Variants in BMP2K observed in about 807,000 individuals in gnomAD.
The protein encoded by BMP2K is BMP-2-inducible protein kinase.
BMP2K carries 74 observed loss-of-function variants against 116.0 expected under a neutral mutation model. That is an observed-to-expected ratio of 0.64 (90% CI 0.53 to 0.77). The LOEUF is 0.77. Ranked by LOEUF, BMP2K falls within the 30% of genes least tolerant of loss-of-function variation. The pLI is 0.00. For missense variants in BMP2K, 1,365 were observed against 1,403.6 expected (o/e 0.97, Z 0.44); for synonymous variants, 486 against 502.5 (o/e 0.97, Z 0.44).
At chr4:78,780,019 A>G (rs2109914170) in intron 1 of BMP2K, among the ~76,000 whole-genome samples, 1 of 152,352 alleles carries the variant, frequency 6.6e-6, no homozygotes, top group South Asian at 2.1e-4. Flanking sequence ...TCAAACAGTG[A>G]CAAATTGTCA....
intron 1 of BMP2K, 138 bp downstream of exon 1, chr4:78,776,859 A>G (rs1173201232): frequency 1.4e-5 from 12 of 864,984 alleles, no homozygotes; most frequent in Admixed American, 4.7e-5. Context: ...GGGGCTCCTA[A>G]AGAGTGGCTC....
At chr4:78,797,195 G>T (rs1728338754) in intron 1 of BMP2K, among the ~76,000 whole-genome samples, 1 of 152,148 alleles carries the variant, frequency 6.6e-6, no homozygotes, top group African/African-American at 2.4e-5. Flanking sequence ...CTTACATTTA[G>T]TACATCTGGG....
Position 78,909,055 on chromosome 4 carries a change from CTTTTTTTTT to C in BMP2K, c.2063-1539_2063-1531del, listed in dbSNP as rs1053664659. Reference sequence around the variant, plus strand: ...ACTCCCCTTCTTACCTTCCCTTAGTCTTTTTTTTTTTTTTTTTTTTTTTTGAGACAGTTC... The same window carrying C: ...ACTCCCCTTCTTACCTTCCCTTAGTCTTTTTTTTTTTTTTTGAGACAGTTC... On this transcript the variant is annotated intron_variant, in intron 15 of 15. Coordinates refer to ENST00000502613, the MANE Select transcript of BMP2K (RefSeq NM_198892.2). 4.0e-3 allele frequency among the ~76,000 whole-genome samples: 374 copies of C among 94,420 alleles called. 2 individuals are homozygous for C. Among genetic ancestry groups the C allele is most frequent in the Non-Finnish European group, 5.8e-3 (296 of 50,760 alleles). The allele number at this position is 94,420 out of a possible 152,430, so 61.9% of individuals were successfully genotyped here. A position where few individuals can be genotyped will look rare whatever the true frequency, so the allele number is the denominator to read the frequency against.
intron 1 of BMP2K, among the ~76,000 whole-genome samples, chr4:78,787,959 A>G (rs1232386013): frequency 1.3e-5 from 2 of 152,114 alleles, no homozygotes; most frequent in African/African-American, 2.4e-5. Flanking sequence ...CTGGAGCTTT[A>G]TACATAAGTA....
At chr4:78,895,420 C>A (rs1031682633) in intron 15 of BMP2K, among the ~76,000 whole-genome samples, 3 of 152,122 alleles carry the variant, frequency 2.0e-5, no homozygotes, top group Admixed American at 6.5e-5. Context: ...TTTCTAATTT[C>A]TCACAAATTT....
At chr4:78,903,448 TA>T (rs981372302) in intron 15 of BMP2K, among the ~76,000 whole-genome samples, 4 of 151,992 alleles carry the variant, frequency 2.6e-5, no homozygotes, top group African/African-American at 9.7e-5. Flanking sequence ...ATGAATTCAT[TA>T]TCAAAATACA....
intron 15 of BMP2K, among the ~76,000 whole-genome samples, chr4:78,897,812 G>A (rs962183264): frequency 6.6e-6 from 1 of 152,196 alleles, no homozygotes; most frequent in Non-Finnish European, 1.5e-5. Context: ...TTACTGGATA[G>A]AGTTTTATCT....
intron 1 of BMP2K, among the ~76,000 whole-genome samples, chr4:78,825,200 A>G (rs1453688338): frequency 6.6e-6 from 1 of 152,194 alleles, no homozygotes; most frequent in East Asian, 1.9e-4. Flanking sequence ...GTGAAACTCC[A>G]TCTCAAAAAC....
intron 7 of BMP2K, among the ~76,000 whole-genome samples, chr4:78,853,624 G>C (rs1290952350): frequency 1.3e-5 from 2 of 152,134 alleles, no homozygotes; most frequent in African/African-American, 2.4e-5. Context: ...GGTGATTAAA[G>C]AAGTACATTG....
intron 6 of BMP2K, among the ~76,000 whole-genome samples, chr4:78,850,691 T>G (rs1052690259): frequency 4.6e-5 from 7 of 151,930 alleles, no homozygotes; most frequent in African/African-American, 1.7e-4. Context: ...CTTCTAATTT[T>G]TACGATACCA....
At chr4:78,839,892 TGGGTCTGCCTTTCCCGGCCCGC>T (rs1438888709) in intron 3 of BMP2K, among the ~76,000 whole-genome samples, 3 of 152,130 alleles carry the variant, frequency 2.0e-5, no homozygotes, top group Non-Finnish European at 4.4e-5. Context: ...AGATTAAGGG[TGGGTCTGCCTTTCCCGGCCCGC>T]TGACTCAAAT....
In BMP2K at chr4:78,870,804, G is replaced by A. The variant is rs142887199; in HGVS notation, c.1253G>A (p.Gly418Asp). Residue 418 changes from glycine to aspartate, a missense_variant, in exon 11 of 16, where the codon GGC becomes GAC. By Grantham distance (94) the Gly-to-Asp change is moderately conservative. Transcript: ENST00000502613. ...RPKGALRPGN[G>D]PEILLGQGPP... ...TTAGGGGCACTAAGACCTGGAAATGGCCCTGAAATTTTATTGGGTCAGGGA... is the reference window on the plus strand; with the variant it reads ...TTAGGGGCACTAAGACCTGGAAATGACCCTGAAATTTTATTGGGTCAGGGA... 84 of 1,613,916 alleles carry A rather than the reference G, an allele frequency of 5.2e-5. No individual in the cohort carries two copies. In the East Asian group the frequency reaches 1.8e-3, roughly 35 times the overall value.
chr4:78,791,964 A>C (rs1205110803), intron 1 of BMP2K, among the ~76,000 whole-genome samples: 1 of 152,196 alleles, frequency 6.6e-6, no homozygotes, highest in Non-Finnish European at 1.5e-5. Flanking sequence ...TATATCCGGA[A>C]GGGAATTATT....
intron 1 of BMP2K, among the ~76,000 whole-genome samples, chr4:78,804,159 A>G (rs1451078809): frequency 6.6e-6 from 1 of 151,886 alleles, no homozygotes; most frequent in Non-Finnish European, 1.5e-5. Flanking sequence ...TCACTAGTCT[A>G]TTTTCTGTCT....
intron 4 of BMP2K, among the ~76,000 whole-genome samples, chr4:78,844,183 T>C (rs1001911549): frequency 1.3e-5 from 2 of 151,758 alleles, no homozygotes; most frequent in Non-Finnish European, 3.0e-5. Context: ...CATTTAATGT[T>C]CACAACAGTT....
chr4:78,901,195 C>T (rs997313122), intron 15 of BMP2K, among the ~76,000 whole-genome samples: 4 of 152,030 alleles, frequency 2.6e-5, no homozygotes, highest in Admixed American at 6.5e-5. Flanking sequence ...AGGTGTGCAC[C>T]ACCATTCTCA....
intron 3 of BMP2K, among the ~76,000 whole-genome samples, chr4:78,837,782 C>G (rs932456657): frequency 1.3e-5 from 2 of 152,086 alleles, no homozygotes; most frequent in Non-Finnish European, 2.9e-5. Flanking sequence ...ATTAGAGGTG[C>G]ACATGGCCAT....
chr4:78,859,445 G>A, intron 7 of BMP2K, 139 bp from the exon 8 acceptor site: 1 of 507,918 alleles, frequency 2.0e-6, no homozygotes, highest in Non-Finnish European at 3.4e-6. Context: ...TTTTCTGTAG[G>A]CATTAATAAA....
chr4:78,835,757 T>C (rs1730447703), intron 3 of BMP2K, among the ~76,000 whole-genome samples: 1 of 152,138 alleles, frequency 6.6e-6, no homozygotes, highest in African/African-American at 2.4e-5. Flanking sequence ...TACTTCCATA[T>C]TTCCACACTG....
Sources: allele counts gnomAD v4.1 joint callset (sites outside exome capture counted in the v4.1 genomes callset), GRCh38; gene constraint gnomAD v4.1.1; transcripts MANE v1.5; gene names NCBI Gene and HGNC (gene_info 2026-07-23, HGNC 2026-07-21).